The following DPYSL3 variants were observed in gnomAD, a reference collection of about 807,000 sequenced individuals.
DPYSL3 encodes dihydropyrimidinase like 3.
In DPYSL3, 16 loss-of-function variants were observed where a neutral mutation model predicts 66.1. The ratio of observed to expected loss-of-function variants is 0.24; its 90% CI spans 0.16 to 0.37. DPYSL3 has a LOEUF of 0.37. Ranked by LOEUF, DPYSL3 falls within the 10% of genes least tolerant of loss-of-function variation. The probability of loss-of-function intolerance (pLI) is 1.00; values close to 1 mark genes in which losing one functional copy is unlikely to be tolerated. For synonymous variants in DPYSL3, 338 were observed against 345.1 expected, an observed-to-expected ratio of 0.98 and a Z score of 0.23; for missense variants, 738 against 916.2, an observed-to-expected ratio of 0.81 and a Z score of 2.51.
chr5:147,396,141 T>A (rs1757963146), intron 12 of DPYSL3, among the ~76,000 whole-genome samples: 1 of 152,004 alleles, frequency 6.6e-6, no homozygotes, highest in African/African-American at 2.4e-5. Context: ...GAAGGGTAGG[T>A]CATGACACGA....
At chr5:147,440,768 T>G (rs1752516388) in intron 1 of DPYSL3, among the ~76,000 whole-genome samples, 1 of 152,228 alleles carries the variant, frequency 6.6e-6, no homozygotes, top group Non-Finnish European at 1.5e-5. Flanking sequence ...ATTTTTTTAT[T>G]TCTCCTAACA....
intron 13 of DPYSL3, among the ~76,000 whole-genome samples, chr5:147,395,335 A>C (rs933739153): frequency 6.6e-6 from 1 of 152,122 alleles, no homozygotes; most frequent in Non-Finnish European, 1.5e-5. Context: ...TTACCACTTA[A>C]ACCTGGTCTT....
chr5:147,487,768 T>C (rs1753357983), intron 1 of DPYSL3, among the ~76,000 whole-genome samples: 1 of 152,226 alleles, frequency 6.6e-6, no homozygotes, highest in Admixed American at 6.5e-5. Flanking sequence ...TTCTAGATCA[T>C]TGAGAGCTAT....
chr5:147,429,565 T>A (rs187223564), intron 1 of DPYSL3, among the ~76,000 whole-genome samples: 1 of 152,190 alleles, frequency 6.6e-6, no homozygotes, highest in Non-Finnish European at 1.5e-5. Context: ...TATAATACTT[T>A]GAATGTTTTT....
chr5:147,404,728 T>C (rs1466072273), intron 8 of DPYSL3, among the ~76,000 whole-genome samples: 1 of 152,170 alleles, frequency 6.6e-6, no homozygotes, highest in Non-Finnish European at 1.5e-5. Flanking sequence ...GAAGCCCAAG[T>C]TAACACCAGT....
intron 1 of DPYSL3, among the ~76,000 whole-genome samples, chr5:147,452,626 C>G (rs1752753511): frequency 6.6e-6 from 1 of 152,152 alleles, no homozygotes. Context: ...CCACGGAATC[C>G]CAGCCTTGCT....
chr5:147,420,592 A>C (rs1561781207), intron 2 of DPYSL3, among the ~76,000 whole-genome samples: 1 of 152,216 alleles, frequency 6.6e-6, no homozygotes, highest in African/African-American at 2.4e-5. Flanking sequence ...GCACATAACA[A>C]GTATTCCACA....
At chr5:147,441,013 G>T (rs1256017806) in intron 1 of DPYSL3, among the ~76,000 whole-genome samples, 3 of 152,182 alleles carry the variant, frequency 2.0e-5, no homozygotes, top group Non-Finnish European at 4.4e-5. Flanking sequence ...TAATAGAATT[G>T]AATGAAATGC....
intron 6 of DPYSL3, among the ~76,000 whole-genome samples, chr5:147,410,402 A>G (rs558988208): frequency 9.2e-5 from 14 of 152,192 alleles, no homozygotes; most frequent in Non-Finnish European, 1.8e-4. Flanking sequence ...AGGAAGTCCT[A>G]TTCTGAAGCC....
At chr5:147,473,160 C>T (rs889554069) in intron 1 of DPYSL3, 4 of 152,162 alleles carry the variant, frequency 2.6e-5, no homozygotes, top group Non-Finnish European at 4.4e-5. Flanking sequence ...CACTTAAAGT[C>T]CTGAGAATAA....
chr5:147,476,246 T>C (rs1179567886), intron 1 of DPYSL3, among the ~76,000 whole-genome samples: 1 of 152,178 alleles, frequency 6.6e-6, no homozygotes, highest in South Asian at 2.1e-4. Context: ...AGTTCCATGA[T>C]CATCTAGTTA....
At chr5:147,502,374 G>GGTACACAC (rs1450959108) in intron 1 of DPYSL3, among the ~76,000 whole-genome samples, 1 of 101,856 alleles carries the variant, frequency 9.8e-6, no homozygotes, top group Non-Finnish European at 2.0e-5. Flanking sequence ...GCATGTCACA[G>GGTACACAC]ATACACACAC....
At chr5:147,495,737 T>G (rs1025004816) in intron 1 of DPYSL3, among the ~76,000 whole-genome samples, 4 of 152,070 alleles carry the variant, frequency 2.6e-5, no homozygotes, top group Non-Finnish European at 4.4e-5. Flanking sequence ...CACTGCTCAA[T>G]GAAATAAAAG....
intron 11 of DPYSL3, among the ~76,000 whole-genome samples, chr5:147,398,304 G>A (rs1758057697): frequency 6.6e-6 from 1 of 152,144 alleles, no homozygotes. Flanking sequence ...CAATCAGCAA[G>A]AGGCATTACT....
intron 1 of DPYSL3, among the ~76,000 whole-genome samples, chr5:147,464,159 CAG>C (rs1752974461): frequency 6.6e-6 from 1 of 152,182 alleles, no homozygotes; most frequent in Non-Finnish European, 1.5e-5. Context: ...AGTGCCAATT[CAG>C]AGAGGAGTCT....
intron 1 of DPYSL3, among the ~76,000 whole-genome samples, chr5:147,500,012 T>C (rs1181884509): frequency 6.6e-6 from 1 of 152,076 alleles, no homozygotes; most frequent in Non-Finnish European, 1.5e-5. Flanking sequence ...ATAACACGGA[T>C]CTATGCCATT....
At chr5:147,398,764 A>G (rs10059782) in intron 11 of DPYSL3, among the ~76,000 whole-genome samples, 67,427 of 151,962 alleles carry the variant, frequency 0.44, 15,358 homozygotes, top group East Asian at 0.55. Context: ...CGTACACCAC[A>G]TCTAGGGGAA....
intron 6 of DPYSL3, among the ~76,000 whole-genome samples, chr5:147,411,166 A>G (rs1751845443): frequency 1.3e-5 from 2 of 152,188 alleles, no homozygotes; most frequent in Non-Finnish European, 1.5e-5. Context: ...CACGGGACCA[A>G]GGCATTTGGG....
chr5:147,445,263 TC>T (rs1378217420), intron 1 of DPYSL3, among the ~76,000 whole-genome samples: 1 of 152,226 alleles, frequency 6.6e-6, no homozygotes, highest in African/African-American at 2.4e-5. Flanking sequence ...GGATGGACTT[TC>T]TGGCACATGT....
Sources: allele counts gnomAD v4.1 joint callset (sites outside exome capture counted in the v4.1 genomes callset), GRCh38; gene constraint gnomAD v4.1.1; transcripts MANE v1.5; gene names NCBI Gene and HGNC (gene_info 2026-07-23, HGNC 2026-07-21).